The following TMPRSS4 variants were observed in gnomAD, a reference collection of about 807,000 sequenced individuals.
TMPRSS4 encodes the protein transmembrane protease serine 4.
TMPRSS4 carries 45 observed loss-of-function variants against 56.4 expected under a neutral mutation model. The observed-to-expected ratio is 0.80, with a 90% CI of 0.63 to 1.02. The LOEUF is 1.02. Among genes scored for constraint, TMPRSS4 ranks in the 50% least tolerant of loss-of-function variants. The pLI is 0.00. For synonymous variants in TMPRSS4, 205 were observed against 211.0 expected (o/e 0.97, Z 0.25); for missense variants, 546 against 556.7 (o/e 0.98, Z 0.19).
chr11:118,081,012 T>C (rs929385255), intron 1 of TMPRSS4, among the ~76,000 whole-genome samples: 1 of 152,218 alleles, frequency 6.6e-6, no homozygotes, highest in African/African-American at 2.4e-5. Context: ...GGGAGCTTCT[T>C]GAGGACAGGG....
At chr11:118,080,920 G>A (rs1945076396) in intron 1 of TMPRSS4, among the ~76,000 whole-genome samples, 1 of 152,158 alleles carries the variant, frequency 6.6e-6, no homozygotes, top group South Asian at 2.1e-4. Flanking sequence ...CCCAAGCAAG[G>A]ATTCCCTGGG....
At chr11:118,110,974 G>A (rs946116573) in intron 7 of TMPRSS4, among the ~76,000 whole-genome samples, 1 of 152,236 alleles carries the variant, frequency 6.6e-6, no homozygotes, top group African/African-American at 2.4e-5. Flanking sequence ...TAGGAGGAGT[G>A]GAAACTCTAC....
At chr11:118,116,912 T>C (rs1565442816) in intron 11 of TMPRSS4, among the ~76,000 whole-genome samples, 1 of 152,094 alleles carries the variant, frequency 6.6e-6, no homozygotes, top group Non-Finnish European at 1.5e-5. Flanking sequence ...GGTTTCACCA[T>C]GTTGGCCAGG....
At chr11:118,089,267 A>T (rs1945794838) in intron 1 of TMPRSS4, among the ~76,000 whole-genome samples, 1 of 152,180 alleles carries the variant, frequency 6.6e-6, no homozygotes, top group Non-Finnish European at 1.5e-5. Context: ...GATATTTGCC[A>T]AAGAGCTTCA....
In TMPRSS4 at chr11:118,114,844, T is replaced by C. The variant is rs199823929; in HGVS notation, c.926T>C (p.Ile309Thr). The C allele has an allele frequency of 6.2e-7, 1 of 1,607,788 alleles. No individual in the cohort carries two copies. Among genetic ancestry groups the C allele is most frequent in the African/African-American group, 1.3e-5 (1 of 74,992 alleles). Residue 309 changes from isoleucine to threonine, a missense_variant, in exon 10 of 13, where the codon ATC becomes ACC. Transcript: ENST00000437212. ...CTCCTGGCAGGCACAGTCAGGCCCA[T>C]CTGTCTGCCCTTCTTTGATGAGGAG... ...PLTFSGTVRPICLPFFDEELT... is the reference protein window; with the variant it reads ...PLTFSGTVRPTCLPFFDEELT...
chr11:118,085,765 G>C (rs189911135), intron 1 of TMPRSS4, among the ~76,000 whole-genome samples: 1 of 152,054 alleles, frequency 6.6e-6, no homozygotes, highest in Non-Finnish European at 1.5e-5. Context: ...TGGCCCTCTC[G>C]AGTCCCCTCC....
At chr11:118,092,548 C>A (rs1009333089) in intron 1 of TMPRSS4, among the ~76,000 whole-genome samples, 1 of 152,236 alleles carries the variant, frequency 6.6e-6, no homozygotes, top group African/African-American at 2.4e-5. Flanking sequence ...CAAAATATCT[C>A]AAGCCCTGAT....
chr11:118,117,794 G>A lies in TMPRSS4; in HGVS notation c.1303-108G>A, dbSNP rs113745313. ...GACCTCCTGGCCCTCTGCAGGGTAG[G>A]GAGAGAAGCAAAGTGTTTCAGAAAA... is the stretch of plus-strand genomic sequence containing the variant. On this transcript the variant is annotated intron_variant, in intron 12 of 12. Transcript: ENST00000437212. 4,292 of 1,606,084 alleles carry A rather than the reference G, an allele frequency of 2.7e-3. 95 individuals carry two copies. In the African/African-American group the frequency reaches 0.05, roughly 19 times the overall value.
intron 1 of TMPRSS4, among the ~76,000 whole-genome samples, chr11:118,089,547 A>T (rs1207328219): frequency 6.6e-6 from 1 of 152,208 alleles, no homozygotes; most frequent in East Asian, 1.9e-4. Flanking sequence ...CCATAAACCC[A>T]TCATCCCCAA....
intron 1 of TMPRSS4, among the ~76,000 whole-genome samples, chr11:118,084,349 G>A (rs974151969): frequency 7.2e-5 from 11 of 152,192 alleles, no homozygotes; most frequent in Admixed American, 2.0e-4. Flanking sequence ...AGCACTCGAC[G>A]AGTTATGTGA....
chr11:118,123,163 T>C (rs1947826516), downstream of TMPRSS4, among the ~76,000 whole-genome samples: 2 of 152,006 alleles, frequency 1.3e-5, no homozygotes, highest in Admixed American at 1.3e-4. Context: ...AATACCCTCA[T>C]ATCATCCCAC....
rs1207047276 is a variant in TMPRSS4 at position 118,103,197 on chromosome 11, TG to T, written c.259del (p.Glu87ArgfsTer114). On this transcript the variant is annotated frameshift_variant, in exon 4 of 13. Transcript: ENST00000437212. LOFTEE classifies it high-confidence loss of function. ...TGTGACGGAGAGCTGGACTGTCCCT[TG>T]GGGGAGGACGAGGAGCACTGTGTCA... ...QLCDGELDCP[L>X]GEDEEHCVKS... 6 of 1,614,174 alleles carry T rather than the reference TG, an allele frequency of 3.7e-6. No homozygotes were observed. Among genetic ancestry groups the T allele is most frequent in the Non-Finnish European group, 5.1e-6 (6 of 1,180,024 alleles).
chr11:118,117,980 A>G lies in TMPRSS4; in HGVS notation c.*67A>G, dbSNP rs1385228638. 2 of 1,611,372 alleles carry G rather than the reference A, an allele frequency of 1.2e-6. No individual in the cohort carries two copies. Among genetic ancestry groups the G allele is most frequent in the East Asian group, 2.2e-5 (1 of 44,900 alleles). ...GCCCTGCCCACCTGGGGATCCCCCAAAGTCAGACACAGAGCAAGAGTCCCC... is the reference window on the plus strand; with the variant it reads ...GCCCTGCCCACCTGGGGATCCCCCAGAGTCAGACACAGAGCAAGAGTCCCC... On this transcript the variant is annotated 3_prime_UTR_variant, in exon 13 of 13. Coordinates refer to ENST00000437212, the MANE Select transcript of TMPRSS4 (RefSeq NM_019894.4).
In TMPRSS4 at chr11:118,111,827, T is replaced by C; in HGVS notation, c.670T>C (p.Tyr224His). The C allele has an allele frequency of 6.2e-7, 1 of 1,607,212 alleles. No homozygotes were observed. The highest frequency in any genetic ancestry group is 8.5e-7 in the Non-Finnish European group (1 of 1,177,174). ...TTGGCCTTGGCAGGTCAGCATCCAG[T>C]ACGACAAACAGCACGTCTGTGGAGG... ...DSWPWQVSIQ[Y>H]DKQHVCGGSI... Residue 224 changes from tyrosine (Y) to histidine (H), a missense_variant, in exon 8 of 13, where the codon TAC becomes CAC. Coordinates refer to ENST00000437212, the MANE Select transcript of TMPRSS4 (RefSeq NM_019894.4).
intron 1 of TMPRSS4, among the ~76,000 whole-genome samples, chr11:118,078,913 G>A (rs1442481788): frequency 1.3e-5 from 2 of 152,188 alleles, no homozygotes; most frequent in East Asian, 3.8e-4. Context: ...ATACATGTGA[G>A]TAGGTTCTGG....
Position 118,117,373 on chromosome 11 carries a change from C to T in TMPRSS4, c.1221C>T (p.Gly407=). The change falls in exon 12 of 13, where the codon GGC becomes GGT. Residue 407 remains glycine, a synonymous_variant. Coordinates refer to ENST00000437212, the MANE Select transcript of TMPRSS4 (RefSeq NM_019894.4). Reference sequence around the variant, plus strand: ...ATGTGGTGGGCATCGTTAGTTGGGGCTATGGCTGCGGGGGCCCGAGCACCC... The same window carrying T: ...ATGTGGTGGGCATCGTTAGTTGGGGTTATGGCTGCGGGGGCCCGAGCACCC... ...QWHVVGIVSW[G]YGCGGPSTPG... is the part of the protein sequence containing the mutation. 7.4e-6 allele frequency: 12 copies of T among 1,614,116 alleles called. No individual in the cohort carries two copies. Among genetic ancestry groups the T allele is most frequent in the Non-Finnish European group, 1.0e-5 (12 of 1,179,982 alleles).
intron 3 of TMPRSS4, among the ~76,000 whole-genome samples, chr11:118,101,050 T>A (rs1053806328): frequency 2.6e-5 from 4 of 152,088 alleles, no homozygotes; most frequent in African/African-American, 9.7e-5. Flanking sequence ...CTAAGTAATA[T>A]CTAGCTCCTC....
downstream of TMPRSS4, among the ~76,000 whole-genome samples, chr11:118,122,858 G>T (rs202038164): frequency 6.6e-6 from 1 of 152,114 alleles, no homozygotes; most frequent in East Asian, 1.9e-4. Context: ...GACTTTGGGG[G>T]CTGATTAGGT....
intron 7 of TMPRSS4, among the ~76,000 whole-genome samples, chr11:118,111,280 G>A (rs1947263853): frequency 6.6e-6 from 1 of 152,186 alleles, no homozygotes; most frequent in Admixed American, 6.5e-5. Context: ...AGACTCCCCT[G>A]GCCGGGGAAA....
Sources: allele counts gnomAD v4.1 joint callset (sites outside exome capture counted in the v4.1 genomes callset), GRCh38; gene constraint gnomAD v4.1.1; transcripts MANE v1.5; gene names NCBI Gene and HGNC (gene_info 2026-07-23, HGNC 2026-07-21).